FAF1: variants seen among roughly 807,000 people sequenced by gnomAD.
FAF1 encodes the protein Fas associated factor 1.
In FAF1, 25 loss-of-function variants were observed where a neutral mutation model predicts 92.5. The ratio of observed to expected loss-of-function variants is 0.27; its 90% CI spans 0.20 to 0.38. FAF1 has a LOEUF of 0.38. FAF1 is among the 10% of genes least tolerant of loss of function. The probability of loss-of-function intolerance (pLI) is 1.00; values close to 1 mark genes in which losing one functional copy is unlikely to be tolerated. For synonymous variants in FAF1, 234 were observed against 273.2 expected, an observed-to-expected ratio of 0.86 and a Z score of 1.42; for missense variants, 636 against 793.3, an observed-to-expected ratio of 0.80 and a Z score of 2.38.
intron 17 of FAF1, among the ~76,000 whole-genome samples, chr1:50,480,308 C>A (rs1015637912): frequency 1.3e-5 from 2 of 152,126 alleles, no homozygotes; most frequent in Admixed American, 6.5e-5. Flanking sequence ...TACACACTTA[C>A]AACAGTCTCT....
intron 2 of FAF1, among the ~76,000 whole-genome samples, chr1:50,833,932 G>C (rs181491002): frequency 6.6e-6 from 1 of 152,122 alleles, no homozygotes; most frequent in Non-Finnish European, 1.5e-5. Flanking sequence ...TCTCTTAACT[G>C]GTCTCTCTGC....
At chr1:50,489,118 A>C (rs1646800064) in intron 17 of FAF1, among the ~76,000 whole-genome samples, 2 of 152,066 alleles carry the variant, frequency 1.3e-5, no homozygotes, top group Non-Finnish European at 2.9e-5. Flanking sequence ...TTTTGCTTTT[A>C]TTTCTATGTC....
intron 5 of FAF1, among the ~76,000 whole-genome samples, chr1:50,743,164 T>G (rs1019291933): frequency 6.6e-6 from 1 of 152,178 alleles, no homozygotes; most frequent in African/African-American, 2.4e-5. Context: ...CTTATCTGTA[T>G]CTTGCCAACC....
rs1660723846 is a variant in FAF1, at chr1:50,770,063, A to G, written c.367+17937T>C. On this transcript the variant is annotated intron_variant, in intron 4 of 18. Coordinates refer to ENST00000396153, the MANE Select transcript of FAF1 (RefSeq NM_007051.3). ...GAGACTCTGTATTAAAAAAACAAAC[A>G]AAAAACCTTCAACAAACTAGGCCCT... is the stretch of plus-strand genomic sequence containing the variant. Among the ~76,000 whole-genome samples the G allele has an allele frequency of 2.0e-5, 3 of 152,208 alleles. No homozygotes were observed. In the South Asian group the frequency reaches 6.2e-4, roughly 32 times the overall value.
chr1:50,661,490 C>T (rs949366188), intron 7 of FAF1, among the ~76,000 whole-genome samples: 1 of 152,060 alleles, frequency 6.6e-6, no homozygotes, highest in African/African-American at 2.4e-5. Flanking sequence ...ATAGTACAGC[C>T]CTTACAAAAA....
At chr1:50,598,158 T>TG (rs1266854258) in intron 8 of FAF1, among the ~76,000 whole-genome samples, 1 of 152,004 alleles carries the variant, frequency 6.6e-6, no homozygotes, top group Non-Finnish European at 1.5e-5. Context: ...TAGCTGGGTA[T>TG]GGGGGTGCAC....
intron 7 of FAF1, among the ~76,000 whole-genome samples, chr1:50,679,749 C>A (rs116156264): frequency 0.013 from 1,978 of 152,256 alleles, 43 homozygotes; most frequent in African/African-American, 0.044. Flanking sequence ...ATATTGGTAA[C>A]TGCTATTTAT....
At chr1:50,550,351 TAAAAAAAAAAAAA>T (rs11297579) in intron 13 of FAF1, among the ~76,000 whole-genome samples, 11 of 108,366 alleles carry the variant, frequency 1.0e-4, no homozygotes, top group Non-Finnish European at 1.8e-4. Context: ...ACTCCGTCTT[TAAAAAAAAAAAAA>T]AAAAAAAAAA....
chr1:50,617,914 A>G (rs753817179), intron 8 of FAF1, among the ~76,000 whole-genome samples: 2 of 151,722 alleles, frequency 1.3e-5, no homozygotes, highest in South Asian at 2.1e-4. Flanking sequence ...GAATTTCTCT[A>G]TTTCCTCCAA....
At position 50,779,991 on chromosome 1, in the gene FAF1, G is replaced by GACAGACACACACAC. The variant is rs369288416; in HGVS notation, c.367+8008_367+8009insGTGTGTGTGTCTGT. On this transcript the variant is annotated intron_variant, in intron 4 of 18. Coordinates refer to ENST00000396153, the MANE Select transcript of FAF1 (RefSeq NM_007051.3). ...ACAAGCACACATGCACAGACAGACA[G>GACAGACACACACAC]ACACACACACACACACACACACACA... is the stretch of plus-strand genomic sequence containing the variant. Among the ~76,000 whole-genome samples the GACAGACACACACAC allele has an allele frequency of 1.9e-3, 274 of 145,522 alleles. 1 individual carries two copies. The highest frequency in any genetic ancestry group is 2.9e-3 in the Non-Finnish European group (194 of 66,146).
chr1:50,672,979 C>T (rs936810172), intron 7 of FAF1, among the ~76,000 whole-genome samples: 4 of 151,952 alleles, frequency 2.6e-5, no homozygotes, highest in African/African-American at 4.8e-5. Flanking sequence ...TTAGAATGGC[C>T]GTGCACAGTG....
chr1:50,639,794 C>A (rs1654231759), intron 8 of FAF1, among the ~76,000 whole-genome samples: 1 of 151,918 alleles, frequency 6.6e-6, no homozygotes, highest in Admixed American at 6.6e-5. Context: ...ATTAGCCGGG[C>A]ATGGTGGCAT....
chr1:50,446,260 C>T (rs993915374), intron 18 of FAF1, among the ~76,000 whole-genome samples: 2 of 152,224 alleles, frequency 1.3e-5, no homozygotes, highest in Non-Finnish European at 2.9e-5. Context: ...TTTCTGACTT[C>T]TGTTTTGGGG....
chr1:50,743,431 A>G (rs1659465788), intron 5 of FAF1, among the ~76,000 whole-genome samples: 1 of 151,988 alleles, frequency 6.6e-6, no homozygotes, highest in Non-Finnish European at 1.5e-5. Flanking sequence ...GGGTTCAAGC[A>G]ATTCTCCCAC....
intron 14 of FAF1, among the ~76,000 whole-genome samples, chr1:50,537,926 G>A (rs1037899448): frequency 1.3e-5 from 2 of 152,074 alleles, no homozygotes; most frequent in Admixed American, 6.6e-5. Flanking sequence ...CAAATTAGAT[G>A]CACATGGAAT....
Position 50,545,872 on chromosome 1 carries a change from C to T in FAF1, c.1269-6144G>A, listed in dbSNP as rs143510256. ...TGTAACAGCAGAATACTGGGTGTAA[C>T]CCATCAATTACTGGATGCAGTAGCT... On this transcript the variant is annotated intron_variant, in intron 13 of 18. Transcript: ENST00000396153. 7.8e-4 allele frequency among the ~76,000 whole-genome samples: 119 copies of T among 152,278 alleles called. 3 individuals carry two copies. The East Asian group carries it at 0.022, about 28-fold the overall frequency.
chr1:50,551,946 C>G (rs778988654), intron 13 of FAF1, among the ~76,000 whole-genome samples: 1 of 152,144 alleles, frequency 6.6e-6, no homozygotes, highest in Middle Eastern at 3.2e-3. Context: ...AATCAATCAT[C>G]CCATTTAGTT....
In FAF1 at chr1:50,584,754, T is replaced by C. The variant is rs1224628813; in HGVS notation, c.898A>G (p.Thr300Ala). Residue 300 changes from threonine (T) to alanine (A), a missense_variant, in exon 10 of 19, where the codon ACA becomes GCA. This residue lies in a region of FAF1 where 319 missense variants were observed against 451.0 expected (regional missense o/e 0.71). Transcript: ENST00000396153. Reference sequence around the variant, plus strand: ...TCTCCATCATCCACCCCAAATTCTGTAGCATCTTCAAAGTCATCTCCATCG... The same window carrying C: ...TCTCCATCATCCACCCCAAATTCTGCAGCATCTTCAAAGTCATCTCCATCG... ...DSDGDDFEDA[T>A]EFGVDDGEVF... 3.1e-6 allele frequency: 5 copies of C among 1,613,570 alleles called. No homozygotes were observed. The highest frequency in any genetic ancestry group is 1.1e-5 in the South Asian group (1 of 91,078).
intron 2 of FAF1, among the ~76,000 whole-genome samples, chr1:50,809,998 G>A (rs1662356156): frequency 6.6e-6 from 1 of 152,220 alleles, no homozygotes; most frequent in Admixed American, 6.5e-5. Flanking sequence ...GCTCATGCCT[G>A]TAATCCCAGC....
Sources: allele counts gnomAD v4.1 joint callset (sites outside exome capture counted in the v4.1 genomes callset), GRCh38; gene constraint gnomAD v4.1.1; regional missense constraint gnomAD v4.1.1; transcripts MANE v1.5; gene names NCBI Gene and HGNC (gene_info 2026-07-23, HGNC 2026-07-21).